The following ADRA1A variants were observed in gnomAD, a reference collection of about 807,000 sequenced individuals.
The protein encoded by ADRA1A is adrenoceptor alpha 1A, also known as alpha-1A adrenergic receptor.
In ADRA1A, 31 loss-of-function variants were observed where a neutral mutation model predicts 29.6. The observed-to-expected ratio is 1.05, with a 90% CI of 0.79 to 1.41. The LOEUF is 1.41. ADRA1A is among the 40% of genes most tolerant of loss of function. The probability of loss-of-function intolerance (pLI) is 0.00; values close to 1 mark genes in which losing one functional copy is unlikely to be tolerated. For missense variants in ADRA1A, 619 were observed against 601.1 expected (o/e 1.03, Z -0.31); for synonymous variants, 311 against 254.3 (o/e 1.22, Z -2.12).
chr8:26,864,298 G>C lies in ADRA1A; in HGVS notation c.672C>G (p.Thr224=), dbSNP rs771810203. Residue 224 remains threonine, a synonymous_variant, in exon 2 of 3, where the codon ACC becomes ACG. Transcript: ENST00000380573. This position sits in a 1 kb window ranked among gnomAD's most constrained non-coding sequence, Gnocchi z 8.1. ...TCACTTGCTCCGAGTCCGACTTGTC[G>C]GTCTTGAGGCCAGACTTGAGGCCCC... is the stretch of plus-strand genomic sequence containing the variant. ...ESRGLKSGLK[T]DKSDSEQVTL... 1.1e-5 allele frequency: 17 copies of C among 1,614,074 alleles called. No individual in the cohort carries two copies. The highest frequency in any genetic ancestry group is 1.4e-5 in the Non-Finnish European group (16 of 1,180,008).
chr8:26,754,345 C>G (rs1805054351), downstream of ADRA1A, among the ~76,000 whole-genome samples: 1 of 152,064 alleles, frequency 6.6e-6, no homozygotes, highest in Admixed American at 6.6e-5. Context: ...ACCAAACTCT[C>G]AGCACGATTC....
intron 2 of ADRA1A, among the ~76,000 whole-genome samples, chr8:26,833,404 G>A (rs1031999009): frequency 6.6e-6 from 1 of 152,154 alleles, no homozygotes; most frequent in African/African-American, 2.4e-5. Flanking sequence ...TCAGGGTTGG[G>A]TACCTTGAAT....
intron 2 of ADRA1A, among the ~76,000 whole-genome samples, chr8:26,749,489 GC>G (rs1411307070): frequency 1.3e-5 from 2 of 152,204 alleles, no homozygotes; most frequent in Non-Finnish European, 2.9e-5. Context: ...CAAAGATGAT[GC>G]CTGGCATGTA....
At chr8:26,790,754 G>T (rs1355111042) in intron 2 of ADRA1A, among the ~76,000 whole-genome samples, 1 of 151,964 alleles carries the variant, frequency 6.6e-6, no homozygotes, top group Non-Finnish European at 1.5e-5. Context: ...GTCAATTAAA[G>T]AAATAAAATA....
chr8:26,827,101 G>A (rs912827550), intron 2 of ADRA1A, among the ~76,000 whole-genome samples: 1 of 152,176 alleles, frequency 6.6e-6, no homozygotes, highest in Non-Finnish European at 1.5e-5. Flanking sequence ...GATGATTCAT[G>A]CAATGTGCTT....
Position 26,806,754 on chromosome 8 carries a change from G to A in ADRA1A, c.884-36088C>T, listed in dbSNP as rs949530241. ...GCCACATGCCTGGAAGGAGGAAATA[G>A]GAAGAGCACGTGCAGTGGCTGCTGC... is the stretch of plus-strand genomic sequence containing the variant. On this transcript the variant is annotated intron_variant, in intron 2 of 2. Coordinates refer to ENST00000380573, the MANE Select transcript of ADRA1A (RefSeq NM_000680.4). This position sits in a 1 kb window ranked among gnomAD's most constrained non-coding sequence, Gnocchi z 4.6. Among the ~76,000 whole-genome samples, 1 of 152,198 alleles carries A rather than the reference G, an allele frequency of 6.6e-6. No homozygotes were observed. The highest frequency in any genetic ancestry group is 1.5e-5 in the Non-Finnish European group (1 of 68,040).
At chr8:26,813,196 A>G (rs1020272946) in intron 2 of ADRA1A, among the ~76,000 whole-genome samples, 5 of 152,148 alleles carry the variant, frequency 3.3e-5, no homozygotes, top group African/African-American at 1.2e-4. Flanking sequence ...TTGCTATGAG[A>G]GTGGAAACTA....
chr8:26,840,548 A>C (rs563676826), intron 2 of ADRA1A, among the ~76,000 whole-genome samples: 5 of 151,824 alleles, frequency 3.3e-5, no homozygotes, highest in Non-Finnish European at 5.9e-5. Context: ...GTACCAATGC[A>C]CTTCTTGGGA....
At chr8:26,771,988 T>C (rs1043655190) in intron 2 of ADRA1A, 4 of 152,268 alleles carry the variant, frequency 2.6e-5, no homozygotes, top group African/African-American at 7.3e-5. Flanking sequence ...AGGGGCGGGG[T>C]GGGAAGACCT....
rs1481502745 is a variant in ADRA1A, at chr8:26,806,930, C to T, written c.884-36264G>A. On this transcript the variant is annotated intron_variant, in intron 2 of 2. Coordinates refer to ENST00000380573, the MANE Select transcript of ADRA1A (RefSeq NM_000680.4). This position sits in a 1 kb window ranked among gnomAD's most constrained non-coding sequence, Gnocchi z 4.6. ...AAACTCTGATAAGCTGGGTCTTTACCAAGGGCCAAAGTGGCTTGGCTTTGG... is the reference window on the plus strand; with the variant it reads ...AAACTCTGATAAGCTGGGTCTTTACTAAGGGCCAAAGTGGCTTGGCTTTGG... 2.0e-5 allele frequency among the ~76,000 whole-genome samples: 3 copies of T among 152,162 alleles called. No homozygotes were observed. Among genetic ancestry groups the T allele is most frequent in the Non-Finnish European group, 2.9e-5 (2 of 68,028 alleles).
intron 2 of ADRA1A, among the ~76,000 whole-genome samples, chr8:26,771,220 A>G (rs1302201228): frequency 6.6e-6 from 1 of 152,196 alleles, no homozygotes; most frequent in Non-Finnish European, 1.5e-5. Flanking sequence ...GTGATTCTCA[A>G]TCACTTTTCC....
In ADRA1A at chr8:26,865,559, G is replaced by C. The variant is rs1364929219; in HGVS notation, c.-590C>G. ...TTGAGCTGCCCCACCGAAGGCTCCT[G>C]CTCTCTCCAGCTTCTAGGAGCACAG... is the stretch of plus-strand genomic sequence containing the variant. On this transcript the variant is annotated 5_prime_UTR_variant, in exon 2 of 3. Transcript: ENST00000380573. This position sits in a 1 kb window ranked among gnomAD's most constrained non-coding sequence, Gnocchi z 7.6. 6.0e-6 allele frequency: 6 copies of C among 991,974 alleles called. No homozygotes were observed. Among genetic ancestry groups the C allele is most frequent in the Non-Finnish European group, 7.2e-6 (6 of 834,094 alleles). 61.4% of individuals were successfully genotyped at this position (991,974 alleles called of 1,614,324 possible).
At position 26,800,253 on chromosome 8, in the gene ADRA1A, G is replaced by A. The variant is rs371003624; in HGVS notation, c.884-29587C>T. 1.5e-4 allele frequency among the ~76,000 whole-genome samples: 22 copies of A among 151,170 alleles called. No homozygotes were observed. In the East Asian group the frequency reaches 3.7e-3, roughly 25 times the overall value. The stretch of plus-strand genomic sequence containing the variant: ...TAGCCTGGGTTACAGAGTGAGACTC[G>A]GTCTCAAAAAAAAAGAGAAAAAATG... On this transcript the variant is annotated intron_variant, in intron 2 of 2. Coordinates refer to ENST00000380573, the MANE Select transcript of ADRA1A (RefSeq NM_000680.4).
chr8:26,797,985 G>GTTTTTTTTTTTTTTTT, intron 2 of ADRA1A, among the ~76,000 whole-genome samples: 1 of 146,214 alleles, frequency 6.8e-6, no homozygotes, highest in African/African-American at 2.7e-5. Flanking sequence ...CAGTAAGTTA[G>GTTTTTTTTTTTTTTTT]TCTTTTTTTT....
intron 2 of ADRA1A, among the ~76,000 whole-genome samples, chr8:26,751,030 T>C (rs1392718966): frequency 3.3e-5 from 5 of 151,228 alleles, no homozygotes; most frequent in African/African-American, 1.2e-4. Context: ...GATTGTGCTA[T>C]TGCACTCCAG....
intron 2 of ADRA1A, among the ~76,000 whole-genome samples, chr8:26,758,493 A>G (rs1228922567): frequency 6.6e-6 from 1 of 152,226 alleles, no homozygotes; most frequent in Non-Finnish European, 1.5e-5. Flanking sequence ...ATGATTTTAT[A>G]GCTTTATCAC....
chr8:26,847,823 C>T (rs1017104582), intron 2 of ADRA1A, among the ~76,000 whole-genome samples: 3 of 152,206 alleles, frequency 2.0e-5, no homozygotes, highest in Admixed American at 6.5e-5. Context: ...CAGAGAGCAA[C>T]CTGTGCTCCA....
intron 2 of ADRA1A, among the ~76,000 whole-genome samples, chr8:26,862,829 C>A (rs1171719490): frequency 2.0e-5 from 3 of 152,184 alleles, no homozygotes; most frequent in African/African-American, 7.2e-5. Flanking sequence ...AATTGAGGAA[C>A]TGAAAGAATT....
Position 26,823,572 on chromosome 8 carries a change from C to A in ADRA1A, c.883+40515G>T, listed in dbSNP as rs181740348. On this transcript the variant is annotated intron_variant, in intron 2 of 2. Coordinates refer to ENST00000380573, the MANE Select transcript of ADRA1A (RefSeq NM_000680.4). The surrounding 1 kb of genome is among the most constrained non-coding windows in gnomAD (Gnocchi z 4.2). ...GGGACAAATGCACTGGTTCGGGGAGCGCTGGGCTAAGGATCAGGCTGCTTG... is the reference window on the plus strand; with the variant it reads ...GGGACAAATGCACTGGTTCGGGGAGAGCTGGGCTAAGGATCAGGCTGCTTG... Among the ~76,000 whole-genome samples the A allele has an allele frequency of 1.3e-5, 2 of 152,162 alleles. No individual in the cohort carries two copies. Among genetic ancestry groups the A allele is most frequent in the Non-Finnish European group, 2.9e-5 (2 of 68,024 alleles).
Sources: gnomAD v4.1 joint callset for allele counts (sites outside exome capture counted in the v4.1 genomes callset) on GRCh38, gnomAD v4.1.1 for gene constraint, Gnocchi (gnomAD v3.1) non-coding constraint, MANE v1.5 for transcripts, NCBI Gene and HGNC (gene_info 2026-07-23, HGNC 2026-07-21) for gene names.